Variants in HPCAL1 observed in about 807,000 individuals in gnomAD.
HPCAL1 encodes the protein hippocalcin-like protein 1.
A neutral mutation model predicts 17.1 loss-of-function variants in HPCAL1; 8 were observed. That is an observed-to-expected ratio of 0.47 (90% CI 0.27 to 0.84). The LOEUF is 0.84. Among genes scored for constraint, HPCAL1 ranks in the 40% least tolerant of loss-of-function variants. The pLI is 0.13. For synonymous variants in HPCAL1, 112 were observed against 111.4 expected (o/e 1.01, Z -0.03); for missense variants, 165 against 271.1 (o/e 0.61, Z 2.75).
In HPCAL1 at chr2:10,359,883, C is replaced by A. The variant is rs539777046; in HGVS notation, c.-110-36952C>A. 4.4e-4 allele frequency among the ~76,000 whole-genome samples: 67 copies of A among 151,722 alleles called. No individual in the cohort carries two copies. The highest frequency in any genetic ancestry group is 3.9e-3 in the Admixed American group (60 of 15,292). On this transcript the variant is annotated intron_variant, in intron 1 of 4. Coordinates refer to ENST00000307845, the MANE Select transcript of HPCAL1 (RefSeq NM_002149.4). This position sits in a 1 kb window ranked among gnomAD's most constrained non-coding sequence, Gnocchi z 4.1. ...TTCCACACTCTGAACCTGCCTCCTG[C>A]CTCCTTCCACAGTGCCCGCCGGGTC...
intron 2 of HPCAL1, among the ~76,000 whole-genome samples, chr2:10,406,806 A>G (rs747092080): frequency 1.8e-4 from 27 of 152,114 alleles, no homozygotes; most frequent in African/African-American, 3.9e-4. Flanking sequence ...CAGAAAGTCT[A>G]TGGTCTCATT....
intron 1 of HPCAL1, among the ~76,000 whole-genome samples, chr2:10,373,561 C>T (rs73914065): frequency 0.01 from 1,536 of 152,234 alleles, 38 homozygotes; most frequent in African/African-American, 0.035. Context: ...CACAATGTCC[C>T]CTGGGCTGAG....
rs775322861 is a variant in HPCAL1 at position 10,367,236 on chromosome 2, T to C, written c.-110-29599T>C. 5.3e-5 allele frequency among the ~76,000 whole-genome samples: 8 copies of C among 151,980 alleles called. No homozygotes were observed. The highest frequency in any genetic ancestry group is 1.2e-4 in the Non-Finnish European group (8 of 68,014). ...ACTTTTTACAGTTAGATATTTAATA[T>C]ACAGATGACGGGCGGATGGTAGTGT... On this transcript the variant is annotated intron_variant, in intron 1 of 4. Coordinates refer to ENST00000307845, the MANE Select transcript of HPCAL1 (RefSeq NM_002149.4). The surrounding 1 kb of genome is among the most constrained non-coding windows in gnomAD (Gnocchi z 4.4).
chr2:10,393,328 A>G (rs1254875848), intron 1 of HPCAL1, among the ~76,000 whole-genome samples: 1 of 152,194 alleles, frequency 6.6e-6, no homozygotes, highest in Admixed American at 6.5e-5. Context: ...GAGTGTTCCC[A>G]AGCAGCCTGA....
At chr2:10,424,729 G>T (rs1671295307) in intron 4 of HPCAL1, 1 of 439,812 alleles carries the variant, frequency 2.3e-6, no homozygotes, top group Non-Finnish European at 4.7e-6. Flanking sequence ...AAGGAGGGAA[G>T]AGTGATACCA....
In HPCAL1 at chr2:10,427,207, T is replaced by C. The variant is rs1011584423; in HGVS notation, c.*386T>C. The stretch of plus-strand genomic sequence containing the variant: ...ATCCCAAGTGACTCTGTGGGAAGGG[T>C]GGGGACGAGGCGTCGGGAGGGTATA... On this transcript the variant is annotated 3_prime_UTR_variant, in exon 5 of 5. Coordinates refer to ENST00000307845, the MANE Select transcript of HPCAL1 (RefSeq NM_002149.4). The C allele has an allele frequency of 1.8e-5, 4 of 216,328 alleles. No individual in the cohort carries two copies. The highest frequency in any genetic ancestry group is 6.9e-5 in the African/African-American group (3 of 43,714). 13.4% of individuals were successfully genotyped at this position (216,328 alleles called of 1,614,324 possible).
chr2:10,342,745 G>C lies in HPCAL1; in HGVS notation c.-111+39568G>C, dbSNP rs1357752225. ...ACCCAGCCGGACTCCTGGGCAAAGA[G>C]AGGCACAATCTGTTCCCGGTTGGGC... On this transcript the variant is annotated intron_variant, in intron 1 of 4. Coordinates refer to ENST00000307845, the MANE Select transcript of HPCAL1 (RefSeq NM_002149.4). This position sits in a 1 kb window ranked among gnomAD's most constrained non-coding sequence, Gnocchi z 4.1. 6.6e-6 allele frequency among the ~76,000 whole-genome samples: 1 copy of C among 152,234 alleles called. No homozygotes were observed. Among genetic ancestry groups the C allele is most frequent in the Admixed American group, 6.5e-5 (1 of 15,292 alleles).
intron 1 of HPCAL1, among the ~76,000 whole-genome samples, chr2:10,345,092 T>C (rs1228892993): frequency 6.6e-6 from 1 of 152,176 alleles, no homozygotes; most frequent in Non-Finnish European, 1.5e-5. Flanking sequence ...AGTCTCTTTC[T>C]GCCTCTCTCT....
intron 2 of HPCAL1, among the ~76,000 whole-genome samples, chr2:10,411,684 G>A (rs907922518): frequency 2.6e-5 from 4 of 152,136 alleles, no homozygotes; most frequent in African/African-American, 4.8e-5. Context: ...CCTGGGATTC[G>A]GCACTCAGAG....
At chr2:10,311,170 A>T (rs554867217) in intron 1 of HPCAL1, among the ~76,000 whole-genome samples, 1 of 151,826 alleles carries the variant, frequency 6.6e-6, no homozygotes, top group African/African-American at 2.4e-5. Context: ...CCCGCCCCCC[A>T]ATCCCTCAGC....
rs1402774623 is a variant in HPCAL1 at position 10,384,381 on chromosome 2, GGGCACCCACCC to G, written c.-110-12453_-110-12443del. Among the ~76,000 whole-genome samples the G allele has an allele frequency of 6.6e-6, 1 of 152,150 alleles. No homozygotes were observed. The highest frequency in any genetic ancestry group is 6.5e-5 in the Admixed American group (1 of 15,288). The stretch of plus-strand genomic sequence containing the variant: ...TGGGATGTCTGGAGGGAAGGGTTTT[GGGCACCCACCC>G]TGGGGAGAGAGGAGAGCCCAGGTTA... On this transcript the variant is annotated intron_variant, in intron 1 of 4. Coordinates refer to ENST00000307845, the MANE Select transcript of HPCAL1 (RefSeq NM_002149.4). This position sits in a 1 kb window ranked among gnomAD's most constrained non-coding sequence, Gnocchi z 4.4.
chr2:10,315,766 G>A (rs1663276137), intron 1 of HPCAL1, among the ~76,000 whole-genome samples: 1 of 152,178 alleles, frequency 6.6e-6, no homozygotes, highest in Non-Finnish European at 1.5e-5. Context: ...CAGCACTTTG[G>A]GAGGCTGAGG....
chr2:10,330,404 C>A lies in HPCAL1; in HGVS notation c.-111+27227C>A, dbSNP rs1489439456. Among the ~76,000 whole-genome samples the A allele has an allele frequency of 1.3e-5, 2 of 152,210 alleles. No individual in the cohort carries two copies. The highest frequency in any genetic ancestry group is 6.5e-5 in the Admixed American group (1 of 15,290). Reference sequence around the variant, plus strand: ...CCCCACCAAGCCCTGAGTCGTCTAACCTTCCCGGTGTATTAGTCAGCTCTG... The same window carrying A: ...CCCCACCAAGCCCTGAGTCGTCTAAACTTCCCGGTGTATTAGTCAGCTCTG... On this transcript the variant is annotated intron_variant, in intron 1 of 4. Transcript: ENST00000307845. This position sits in a 1 kb window ranked among gnomAD's most constrained non-coding sequence, Gnocchi z 4.2.
At chr2:10,376,727 G>A (rs1017673879) in intron 1 of HPCAL1, among the ~76,000 whole-genome samples, 15 of 152,054 alleles carry the variant, frequency 9.9e-5, no homozygotes, top group African/African-American at 3.6e-4. Flanking sequence ...GTGAGCCACT[G>A]CCCCCAGCCT....
chr2:10,325,459 G>C (rs141679193), intron 1 of HPCAL1, among the ~76,000 whole-genome samples: 2 of 152,212 alleles, frequency 1.3e-5, no homozygotes, highest in East Asian at 3.9e-4. Context: ...CAGTGCCAGC[G>C]TTGGTGGGGG....
chr2:10,352,322 T>C (rs1448262276), intron 1 of HPCAL1, among the ~76,000 whole-genome samples: 1 of 152,208 alleles, frequency 6.6e-6, no homozygotes, highest in Non-Finnish European at 1.5e-5. Context: ...TTTCGCCTGT[T>C]TGGGACCTCA....
chr2:10,308,543 T>G (rs990977168), intron 1 of HPCAL1, among the ~76,000 whole-genome samples: 1 of 152,202 alleles, frequency 6.6e-6, no homozygotes, highest in Non-Finnish European at 1.5e-5. Context: ...CATTTGGGCC[T>G]TCCTAGAGTC....
At chr2:10,416,266 A>G (rs945882388) in intron 2 of HPCAL1, among the ~76,000 whole-genome samples, 13 of 152,162 alleles carry the variant, frequency 8.5e-5, no homozygotes, top group Non-Finnish European at 1.8e-4. Flanking sequence ...GATTCAACCC[A>G]TGCATCTGGG....
chr2:10,361,037 C>T (rs1057515318), intron 1 of HPCAL1, among the ~76,000 whole-genome samples: 1 of 147,660 alleles, frequency 6.8e-6, no homozygotes, highest in Non-Finnish European at 1.5e-5. Context: ...ATGACATAGT[C>T]GGACATGGTC....
Sources: allele counts gnomAD v4.1 joint callset (sites outside exome capture counted in the v4.1 genomes callset), GRCh38; gene constraint gnomAD v4.1.1; non-coding constraint Gnocchi (gnomAD v3.1); transcripts MANE v1.5; gene names NCBI Gene and HGNC (gene_info 2026-07-23, HGNC 2026-07-21).